The following DGKI variants were observed in gnomAD, a reference collection of about 807,000 sequenced individuals.
DGKI encodes the protein DAG kinase iota.
In DGKI, 55 loss-of-function variants were observed where a neutral mutation model predicts 147.5. The observed-to-expected ratio is 0.37, with a 90% CI of 0.30 to 0.47. DGKI has a LOEUF of 0.47. Among genes scored for constraint, DGKI ranks in the 20% least tolerant of loss-of-function variants. The pLI, the probability that DGKI is intolerant of heterozygous loss-of-function variation, is 1.00. For synonymous variants in DGKI, 469 were observed against 477.1 expected, an observed-to-expected ratio of 0.98 and a Z score of 0.22; for missense variants, 1,007 against 1,323.8, an observed-to-expected ratio of 0.76 and a Z score of 3.71.
chr7:137,524,328 G>A (rs2128953906), intron 20 of DGKI, among the ~76,000 whole-genome samples: 1 of 152,238 alleles, frequency 6.6e-6, no homozygotes, highest in African/African-American at 2.4e-5. Flanking sequence ...ACAAGCTGTT[G>A]CAAGTTGTTA....
chr7:137,551,352 G>A (rs982615687), intron 20 of DGKI, among the ~76,000 whole-genome samples: 1 of 152,080 alleles, frequency 6.6e-6, no homozygotes, highest in Non-Finnish European at 1.5e-5. Flanking sequence ...GCTATTGTAA[G>A]GACTTCTGCA....
chr7:137,744,905 G>A (rs1222450072), intron 1 of DGKI, among the ~76,000 whole-genome samples: 1 of 152,016 alleles, frequency 6.6e-6, no homozygotes, highest in Non-Finnish European at 1.5e-5. Flanking sequence ...AATAATAAGA[G>A]CCCTATATGA....
At chr7:137,810,473 A>G (rs1797526838) in intron 1 of DGKI, among the ~76,000 whole-genome samples, 1 of 152,230 alleles carries the variant, frequency 6.6e-6, no homozygotes, top group Non-Finnish European at 1.5e-5. Flanking sequence ...CAGACTTCAC[A>G]GTAAAGGCAA....
chr7:137,763,125 C>T (rs1359169282), intron 1 of DGKI, among the ~76,000 whole-genome samples: 6 of 152,182 alleles, frequency 3.9e-5, no homozygotes, highest in Admixed American at 3.9e-4. Context: ...GGTACTCATT[C>T]ACTCAAGTGG....
chr7:137,622,752 G>T (rs1325151075), intron 7 of DGKI, among the ~76,000 whole-genome samples: 5 of 152,116 alleles, frequency 3.3e-5, no homozygotes, highest in Admixed American at 6.6e-5. Context: ...TGTGGTAAAA[G>T]AAAGAACAGG....
At chr7:137,800,337 AG>A (rs1264942826) in intron 1 of DGKI, among the ~76,000 whole-genome samples, 1 of 151,996 alleles carries the variant, frequency 6.6e-6, no homozygotes, top group Non-Finnish European at 1.5e-5. Context: ...GCCTGGTGGG[AG>A]GCGTTTGGGT....
chr7:137,601,241 G>A (rs1334413009), intron 10 of DGKI, among the ~76,000 whole-genome samples: 4 of 151,740 alleles, frequency 2.6e-5, no homozygotes, highest in African/African-American at 4.8e-5. Context: ...ACTACACTTC[G>A]GCCTGGGTGA....
intron 19 of DGKI, among the ~76,000 whole-genome samples, chr7:137,569,728 CAAAAAAAAAAAAAAAAAAAAAAAAAAAA>C (rs60719355): frequency 2.8e-4 from 18 of 64,616 alleles, no homozygotes; most frequent in Admixed American, 5.3e-4. Flanking sequence ...GACTCTGTCT[CAAAAAAAAAAAAAAAAAAAAAAAAAAAA>C]AAAAAAAAAA....
chr7:137,562,739 C>T (rs1818458885), intron 19 of DGKI, among the ~76,000 whole-genome samples: 1 of 151,944 alleles, frequency 6.6e-6, no homozygotes. Flanking sequence ...AAAGTTGACT[C>T]AAGAAGAAAT....
chr7:137,822,963 CAG>C (rs1357069923), intron 1 of DGKI, among the ~76,000 whole-genome samples: 6 of 149,276 alleles, frequency 4.0e-5, no homozygotes, highest in Non-Finnish European at 7.4e-5. Flanking sequence ...AAAAAAAAAT[CAG>C]AGGAATAGTT....
chr7:137,836,684 A>G (rs1798390783), intron 1 of DGKI, among the ~76,000 whole-genome samples: 1 of 152,172 alleles, frequency 6.6e-6, no homozygotes, highest in African/African-American at 2.4e-5. Context: ...AGGAAACTGG[A>G]TTTATTCCCC....
At chr7:137,666,999 G>A (rs1163674446) in intron 3 of DGKI, among the ~76,000 whole-genome samples, 1 of 151,896 alleles carries the variant, frequency 6.6e-6, no homozygotes, top group Non-Finnish European at 1.5e-5. Context: ...ATGCTTCTCA[G>A]CTTAGAAGTC....
At chr7:137,491,210 A>C (rs1359478712) in intron 21 of DGKI, among the ~76,000 whole-genome samples, 1 of 152,186 alleles carries the variant, frequency 6.6e-6, no homozygotes, top group African/African-American at 2.4e-5. Flanking sequence ...GAGGTGGTTA[A>C]GATAGAAGCA....
intron 1 of DGKI, among the ~76,000 whole-genome samples, chr7:137,759,488 C>T (rs958142565): frequency 1.3e-5 from 2 of 152,008 alleles, no homozygotes; most frequent in African/African-American, 4.8e-5. Context: ...ATTACAGGCG[C>T]CTGCCACCAC....
intron 21 of DGKI, among the ~76,000 whole-genome samples, chr7:137,514,976 C>T (rs1453021511): frequency 2.0e-5 from 3 of 152,158 alleles, no homozygotes; most frequent in African/African-American, 7.2e-5. Flanking sequence ...TCTCCATGGC[C>T]TATAAGCCCC....
intron 1 of DGKI, among the ~76,000 whole-genome samples, chr7:137,775,507 G>A (rs1185214484): frequency 6.6e-6 from 1 of 152,216 alleles, no homozygotes; most frequent in Non-Finnish European, 1.5e-5. Flanking sequence ...GTGCTCACCT[G>A]TGTTTGCATC....
At chr7:137,665,482 T>C (rs1435885960) in intron 3 of DGKI, among the ~76,000 whole-genome samples, 1 of 152,204 alleles carries the variant, frequency 6.6e-6, no homozygotes, top group Non-Finnish European at 1.5e-5. Flanking sequence ...TCTATTATGG[T>C]TGGAATTGCC....
intron 1 of DGKI, among the ~76,000 whole-genome samples, chr7:137,696,183 C>T (rs984469166): frequency 4.6e-5 from 7 of 152,148 alleles, no homozygotes; most frequent in Admixed American, 1.3e-4. Context: ...ACTTCCACCA[C>T]GTGTCAGGCA....
chr7:137,417,923 G>T (rs1812419515), intron 28 of DGKI, among the ~76,000 whole-genome samples: 1 of 152,188 alleles, frequency 6.6e-6, no homozygotes, highest in Non-Finnish European at 1.5e-5. Flanking sequence ...GGTCTTCCCA[G>T]AATCCAGAAC....
Sources: gnomAD v4.1 joint callset for allele counts (sites outside exome capture counted in the v4.1 genomes callset) on GRCh38, gnomAD v4.1.1 for gene constraint, MANE v1.5 for transcripts, NCBI Gene and HGNC (gene_info 2026-07-23, HGNC 2026-07-21) for gene names.